The following LAMA2 variants were observed in gnomAD, a reference collection of about 807,000 sequenced individuals.
The protein encoded by LAMA2 is laminin subunit alpha-2.
A neutral mutation model predicts 364.8 loss-of-function variants in LAMA2; 269 were observed. The observed-to-expected ratio is 0.74, with a 90% CI of 0.67 to 0.82. The LOEUF (loss-of-function observed/expected upper bound fraction) is 0.82. Among genes scored for constraint, LAMA2 ranks in the 40% least tolerant of loss-of-function variants. The pLI is 0.00. For synonymous variants in LAMA2, 1,379 were observed against 1,370.6 expected (o/e 1.01, Z -0.14); for missense variants, 3,807 against 3,873.2 (o/e 0.98, Z 0.45).
chr6:129,159,153 C>T lies in LAMA2; in HGVS notation c.1206+4470C>T, dbSNP rs940662106. On this transcript the variant is annotated intron_variant, in intron 8 of 64. Transcript: ENST00000421865. ...TTGTAATGTTTCCTGTGTACTGTCA[C>T]CTTTAGTAATTGGTCTTGCTACTTC... The T allele has an allele frequency of 2.0e-6, 3 of 1,511,046 alleles. No individual in the cohort carries two copies. The African/African-American group carries it at 4.1e-5, about 21-fold the overall frequency. The allele number at this position is 1,511,046 out of a possible 1,614,324, so 93.6% of individuals were successfully genotyped here. A position where few individuals can be genotyped will look rare whatever the true frequency, so the allele number is the denominator to read the frequency against.
chr6:128,937,174 T>C (rs1428607439), intron 1 of LAMA2, among the ~76,000 whole-genome samples: 3 of 152,226 alleles, frequency 2.0e-5, no homozygotes, highest in Non-Finnish European at 4.4e-5. Flanking sequence ...ATTTATCGAC[T>C]CATGTATGTT....
chr6:129,197,567 C>T (rs2115044317), intron 12 of LAMA2, among the ~76,000 whole-genome samples: 1 of 152,322 alleles, frequency 6.6e-6, no homozygotes, highest in Middle Eastern at 3.4e-3. Flanking sequence ...CAACTTTCGT[C>T]TCCCTAAAAT....
chr6:129,115,284 C>T (rs1583068070), intron 4 of LAMA2, among the ~76,000 whole-genome samples: 1 of 152,046 alleles, frequency 6.6e-6, no homozygotes, highest in South Asian at 2.1e-4. Flanking sequence ...TCCTCTGTAA[C>T]TTAGCAAAAA....
intron 20 of LAMA2, among the ~76,000 whole-genome samples, chr6:129,294,459 A>G (rs1789946445): frequency 6.6e-6 from 1 of 152,110 alleles, no homozygotes; most frequent in African/African-American, 2.4e-5. Context: ...CTAGACAGTC[A>G]TTTACCCACT....
chr6:129,354,029 A>C (rs1039626549), intron 32 of LAMA2, among the ~76,000 whole-genome samples: 1 of 152,222 alleles, frequency 6.6e-6, no homozygotes, highest in East Asian at 1.9e-4. Context: ...ATTCAAATCC[A>C]AAATAGGTTA....
chr6:128,909,118 T>A (rs1011319131), intron 1 of LAMA2, among the ~76,000 whole-genome samples: 1 of 151,366 alleles, frequency 6.6e-6, no homozygotes, highest in Admixed American at 6.6e-5. Flanking sequence ...TTCTGTTGAT[T>A]TGGGGTGGAG....
At chr6:129,337,254 A>G (rs1002996745) in intron 29 of LAMA2, among the ~76,000 whole-genome samples, 3 of 152,238 alleles carry the variant, frequency 2.0e-5, no homozygotes, top group Non-Finnish European at 1.5e-5. Flanking sequence ...TGCTATTTGT[A>G]TAAGATCCAA....
At chr6:129,496,590 T>C (rs1785210953) in intron 58 of LAMA2, among the ~76,000 whole-genome samples, 1 of 152,220 alleles carries the variant, frequency 6.6e-6, no homozygotes, top group Non-Finnish European at 1.5e-5. Context: ...GCCACACATA[T>C]CTTCTGTTTT....
At position 129,452,983 on chromosome 6, in the gene LAMA2, T is replaced by A; in HGVS notation, c.6430-5T>A. 2.5e-6 allele frequency: 4 copies of A among 1,611,586 alleles called. No homozygotes were observed. Among genetic ancestry groups the A allele is most frequent in the Non-Finnish European group, 3.4e-6 (4 of 1,178,518 alleles). ...TTGGTTCTTTGTATCTTGTTTTTTTTAAAGATCAAAGTATCTGTGTCTTCA... is the reference window on the plus strand; with the variant it reads ...TTGGTTCTTTGTATCTTGTTTTTTTAAAAGATCAAAGTATCTGTGTCTTCA... On this transcript the variant is annotated splice_polypyrimidine_tract_variant and splice_region_variant and intron_variant, in intron 45 of 64. Transcript: ENST00000421865.
At chr6:129,011,062 C>T (rs944216240) in intron 1 of LAMA2, among the ~76,000 whole-genome samples, 3 of 152,072 alleles carry the variant, frequency 2.0e-5, no homozygotes, top group African/African-American at 7.2e-5. Context: ...CTCACTGCAA[C>T]CTCAGCCTCC....
chr6:129,107,809 T>G (rs117913933), intron 4 of LAMA2, among the ~76,000 whole-genome samples: 1,989 of 152,244 alleles, frequency 0.013, 19 homozygotes, highest in Non-Finnish European at 0.021. Flanking sequence ...AGCTGTGATT[T>G]GAATTCAGTG....
intron 23 of LAMA2, among the ~76,000 whole-genome samples, chr6:129,314,161 G>T (rs962282529): frequency 5.3e-5 from 8 of 152,104 alleles, no homozygotes; most frequent in Non-Finnish European, 1.5e-5. Context: ...ACCACTTTGG[G>T]AGGCCGAGGC....
chr6:129,375,821 C>T (rs1161701900), intron 34 of LAMA2, among the ~76,000 whole-genome samples: 1 of 152,194 alleles, frequency 6.6e-6, no homozygotes, highest in Non-Finnish European at 1.5e-5. Flanking sequence ...TTGGACATCT[C>T]AAACTAAACT....
At chr6:129,158,363 C>A in intron 8 of LAMA2, 1 of 1,613,968 alleles carries the variant, frequency 6.2e-7, no homozygotes. Flanking sequence ...TTTCGCCATG[C>A]CATTTGCCCA....
intron 42 of LAMA2, among the ~76,000 whole-genome samples, chr6:129,439,820 T>C (rs1298774219): frequency 9.5e-6 from 1 of 105,010 alleles, no homozygotes; most frequent in East Asian, 3.1e-4. Flanking sequence ...CTTGCATCAA[T>C]TGGTCATATA....
intron 17 of LAMA2, among the ~76,000 whole-genome samples, chr6:129,278,180 C>A (rs1424290304): frequency 2.6e-5 from 4 of 152,050 alleles, no homozygotes; most frequent in Admixed American, 2.6e-4. Flanking sequence ...CCAGTCTGGG[C>A]AACAGAGCAA....
intron 3 of LAMA2, among the ~76,000 whole-genome samples, chr6:129,068,189 T>A (rs1202608370): frequency 6.6e-6 from 1 of 152,214 alleles, no homozygotes; most frequent in Non-Finnish European, 1.5e-5. Context: ...AATTTAAGAA[T>A]CTTATTGAAT....
Position 129,145,776 on chromosome 6 carries a change from A to G in LAMA2, c.820-1183A>G, listed in dbSNP as rs182688887. On this transcript the variant is annotated intron_variant, in intron 5 of 64. Transcript: ENST00000421865. ...TCATTTAAATATATAAAAATAAGAT[A>G]GCAAATTTCAGCTCTTCTTCATGAC... Among the ~76,000 whole-genome samples, 13 of 152,102 alleles carry G rather than the reference A, an allele frequency of 8.5e-5. 1 individual carries two copies. The highest frequency in any genetic ancestry group is 6.2e-4 in the South Asian group (3 of 4,828).
At chr6:129,374,311 G>A (rs538652839) in intron 34 of LAMA2, among the ~76,000 whole-genome samples, 5 of 152,152 alleles carry the variant, frequency 3.3e-5, no homozygotes, top group Non-Finnish European at 5.9e-5. Context: ...TGTGACCAGG[G>A]TATGAGAAAT....
Sources: gnomAD v4.1 joint callset for allele counts (sites outside exome capture counted in the v4.1 genomes callset) on GRCh38, gnomAD v4.1.1 for gene constraint, MANE v1.5 for transcripts, NCBI Gene and HGNC (gene_info 2026-07-23, HGNC 2026-07-21) for gene names.